ZNF462: variants seen among roughly 807,000 people sequenced by gnomAD.
ZNF462 encodes the protein zinc finger protein 462.
Under a neutral mutation model 201.9 loss-of-function variants are expected in ZNF462, and 10 were observed. The observed-to-expected ratio is 0.05, with a 90% CI of 0.03 to 0.08. The LOEUF (loss-of-function observed/expected upper bound fraction) is 0.08. Among genes scored for constraint, ZNF462 ranks in the 10% least tolerant of loss-of-function variants. The probability of loss-of-function intolerance (pLI) is 1.00; values close to 1 mark genes in which losing one functional copy is unlikely to be tolerated. For synonymous variants in ZNF462, 1,227 were observed against 1,193.3 expected (o/e 1.03, Z -0.58); for missense variants, 2,523 against 3,168.3 (o/e 0.80, Z 4.89).
rs1554720599 is a variant in ZNF462 at position 107,012,245 on chromosome 9, A to T, written c.*1215A>T. On this transcript the variant is annotated 3_prime_UTR_variant, in exon 13 of 13. Transcript: ENST00000277225. ...TTCACGCATTATCCGTCTCATAAAT[A>T]ATTTCTGTTAGGATTGGCTGGCTTT... The T allele has an allele frequency of 6.6e-6, 1 of 150,514 alleles. No individual in the cohort carries two copies. Among genetic ancestry groups the T allele is most frequent in the Non-Finnish European group, 1.5e-5 (1 of 67,782 alleles). 9.3% of individuals were successfully genotyped at this position (150,514 alleles called of 1,614,324 possible). A position where few individuals can be genotyped will look rare whatever the true frequency, so the allele number is the denominator to read the frequency against.
rs551336482 is a variant in ZNF462 at position 106,923,200 on chromosome 9, G to A, written c.-30-154G>A. 9.2e-5 allele frequency among the ~76,000 whole-genome samples: 14 copies of A among 152,260 alleles called. No homozygotes were observed. Among genetic ancestry groups the A allele is most frequent in the African/African-American group, 3.1e-4 (13 of 41,544 alleles). ...GACATCATCTCCATTATGTCTGATT[G>A]CCTCTCTTTAGCCAATGTTCCAACT... On this transcript the variant is annotated intron_variant, in intron 1 of 12. Transcript: ENST00000277225. The surrounding 1 kb of genome is among the most constrained non-coding windows in gnomAD (Gnocchi z 5.6).
At chr9:106,921,770 C>T (rs1436248825) in intron 1 of ZNF462, among the ~76,000 whole-genome samples, 5 of 152,146 alleles carry the variant, frequency 3.3e-5, no homozygotes, top group Admixed American at 6.5e-5. Flanking sequence ...GGGGTGGGGC[C>T]TCAGTGACTG....
chr9:106,953,679 C>T (rs1362389823), intron 7 of ZNF462, among the ~76,000 whole-genome samples: 1 of 152,118 alleles, frequency 6.6e-6, no homozygotes, highest in East Asian at 1.9e-4. Flanking sequence ...ATGAAGTCAA[C>T]TTGCCCTCTT....
At chr9:106,862,518 C>T (rs985984362), upstream of ZNF462, among the ~76,000 whole-genome samples, 2 of 152,078 alleles carry the variant, frequency 1.3e-5, no homozygotes, top group African/African-American at 2.4e-5. This position sits in a 1 kb window ranked among gnomAD's most constrained non-coding sequence, Gnocchi z 4.2. Context: ...ATCTCATCTC[C>T]CTCTTCCCCT....
intron 11 of ZNF462, among the ~76,000 whole-genome samples, chr9:107,007,798 G>T (rs547989912): frequency 1.3e-5 from 2 of 152,158 alleles, no homozygotes; most frequent in Non-Finnish European, 2.9e-5. Flanking sequence ...TGGAAGTGTG[G>T]CCAGTGCCCA....
In ZNF462 at chr9:106,935,320, C is replaced by T. The variant is rs1830588083; in HGVS notation, c.6117-183C>T. 6.6e-6 allele frequency among the ~76,000 whole-genome samples: 1 copy of T among 152,084 alleles called. No individual in the cohort carries two copies. Among genetic ancestry groups the T allele is most frequent in the African/African-American group, 2.4e-5 (1 of 41,402 alleles). The stretch of plus-strand genomic sequence containing the variant: ...TGATCTCTTCCTTTAGCTTCCTGTC[C>T]TCTTAGAGTAGGTACAACTCTTGAA... On this transcript the variant is annotated intron_variant, in intron 5 of 12. Transcript: ENST00000277225. This position sits in a 1 kb window ranked among gnomAD's most constrained non-coding sequence, Gnocchi z 4.1.
intron 7 of ZNF462, among the ~76,000 whole-genome samples, chr9:106,953,695 G>A (rs750837643): frequency 6.6e-6 from 1 of 152,028 alleles, no homozygotes; most frequent in Non-Finnish European, 1.5e-5. Flanking sequence ...CTCTTCTGAT[G>A]CCACCAATAC....
chr9:106,896,859 T>A (rs1481594513), intron 1 of ZNF462, among the ~76,000 whole-genome samples: 1 of 152,260 alleles, frequency 6.6e-6, no homozygotes, highest in African/African-American at 2.4e-5. Context: ...CAGTCTTGGC[T>A]GTGCCTCTTT....
At chr9:106,861,973 C>A (rs1157385962), upstream of ZNF462, among the ~76,000 whole-genome samples, 1 of 152,084 alleles carries the variant, frequency 6.6e-6, no homozygotes, top group Non-Finnish European at 1.5e-5. Context: ...TTTAAGCAGG[C>A]GTTCTTTTTT....
Position 106,974,575 on chromosome 9 carries a change from G to T in ZNF462, c.6832+302G>T, listed in dbSNP as rs956931334. The stretch of plus-strand genomic sequence containing the variant: ...ACAATTCTGCCACCCACAGCCTTGC[G>T]TAGACTGCATAGAAGGAATGAACAA... On this transcript the variant is annotated intron_variant, in intron 9 of 12. Coordinates refer to ENST00000277225, the MANE Select transcript of ZNF462 (RefSeq NM_021224.6). The surrounding 1 kb of genome is among the most constrained non-coding windows in gnomAD (Gnocchi z 4.0). 4.5e-6 allele frequency: 2 copies of T among 440,350 alleles called. No individual in the cohort carries two copies. Among genetic ancestry groups the T allele is most frequent in the Non-Finnish European group, 8.5e-6 (2 of 235,884 alleles). 27.3% of individuals were successfully genotyped at this position (440,350 alleles called of 1,614,324 possible).
rs1448594216 is a variant in ZNF462, at chr9:106,926,018, C to A, written c.2106C>A (p.Asn702Lys). 2 of 1,614,070 alleles carry A rather than the reference C, an allele frequency of 1.2e-6. No homozygotes were observed. The highest frequency in any genetic ancestry group is 1.7e-6 in the Non-Finnish European group (2 of 1,180,054). Residue 702 changes from asparagine (N) to lysine (K), a missense_variant, in exon 3 of 13, where the codon AAC becomes AAA. Around this residue, in one of 15 missense-constraint regions of ZNF462, gnomAD observed 383 missense variants for 453.4 expected, o/e 0.84. Transcript: ENST00000277225. This position sits in a 1 kb window ranked among gnomAD's most constrained non-coding sequence, Gnocchi z 7.9. ...CCAGGATTGACGAGATAGCAAGCAA[C>A]CTTCAGAGCAAAATTAACCAAACCA... ...KRTRIDEIAS[N>K]LQSKINQTKQ... is the part of the protein sequence containing the mutation.
chr9:106,958,280 T>C (rs1236331699), intron 7 of ZNF462, among the ~76,000 whole-genome samples: 1 of 152,108 alleles, frequency 6.6e-6, no homozygotes, highest in East Asian at 1.9e-4. Context: ...CTATCTCACC[T>C]GCTCCCTGCT....
In ZNF462 at chr9:106,938,925, C is replaced by G; in HGVS notation, c.6245C>G (p.Ala2082Gly). The G allele has an allele frequency of 6.2e-7, 1 of 1,608,244 alleles. No individual in the cohort carries two copies. Among genetic ancestry groups the G allele is most frequent in the Non-Finnish European group, 8.5e-7 (1 of 1,177,334 alleles). Residue 2082 changes from alanine to glycine, a missense_variant, in exon 7 of 13, where the codon GCC becomes GGC. Coordinates refer to ENST00000277225, the MANE Select transcript of ZNF462 (RefSeq NM_021224.6). This position sits in a 1 kb window ranked among gnomAD's most constrained non-coding sequence, Gnocchi z 4.4. ...HILKAHAGEH[A>G]YKCSWCSFST... ...CACCATCCTCTTCCAGGTGAGCATG[C>G]CTACAAGTGTTCTTGGTGCTCATTC...
intron 7 of ZNF462, among the ~76,000 whole-genome samples, chr9:106,952,615 C>G (rs1214678174): frequency 6.6e-6 from 1 of 152,132 alleles, no homozygotes; most frequent in Admixed American, 6.6e-5. Context: ...ATAAGAAACT[C>G]CTTAGCACTT....
chr9:106,914,037 T>G (rs1241633845), intron 1 of ZNF462, among the ~76,000 whole-genome samples: 1 of 149,712 alleles, frequency 6.7e-6, no homozygotes, highest in Non-Finnish European at 1.5e-5. Flanking sequence ...GATTTTTTTT[T>G]TTTTCTGAAG....
intron 1 of ZNF462, among the ~76,000 whole-genome samples, chr9:106,898,459 C>T (rs1459211255): frequency 6.6e-6 from 1 of 152,110 alleles, no homozygotes; most frequent in East Asian, 1.9e-4. Flanking sequence ...TCCAGAGAGA[C>T]AGTTGAAGCA....
At chr9:106,911,929 T>C (rs1829564990) in intron 1 of ZNF462, among the ~76,000 whole-genome samples, 1 of 152,176 alleles carries the variant, frequency 6.6e-6, no homozygotes, top group South Asian at 2.1e-4. Context: ...GAGAAAAATA[T>C]TCCAAGTTGG....
In ZNF462 at chr9:106,886,686, A is replaced by G. The variant is rs1282446334; in HGVS notation, c.-31+23331A>G. ...TGGAAAGGCTGAAATGATGTGTCCA[A>G]AGTCCACAATGTAGGAAGTTAGTTA... On this transcript the variant is annotated intron_variant, in intron 1 of 12. Coordinates refer to ENST00000277225, the MANE Select transcript of ZNF462 (RefSeq NM_021224.6). The surrounding 1 kb of genome is among the most constrained non-coding windows in gnomAD (Gnocchi z 4.6). Among the ~76,000 whole-genome samples the G allele has an allele frequency of 1.3e-5, 2 of 152,180 alleles. No homozygotes were observed. Among genetic ancestry groups the G allele is most frequent in the Non-Finnish European group, 2.9e-5 (2 of 68,032 alleles).
At chr9:106,877,322 T>TTG in intron 1 of ZNF462, among the ~76,000 whole-genome samples, 1 of 139,798 alleles carries the variant, frequency 7.2e-6, no homozygotes, top group African/African-American at 2.7e-5. Context: ...TTTTTTTTTT[T>TTG]ACATTTGGGA....
Sources: allele counts gnomAD v4.1 joint callset (sites outside exome capture counted in the v4.1 genomes callset), GRCh38; gene constraint gnomAD v4.1.1; regional missense constraint gnomAD v4.1.1; non-coding constraint Gnocchi (gnomAD v3.1); transcripts MANE v1.5; gene names NCBI Gene and HGNC (gene_info 2026-07-23, HGNC 2026-07-21).